PAM: variants seen among roughly 807,000 people sequenced by gnomAD.
PAM encodes peptidylglycine alpha-amidating monooxygenase.
In PAM, 72 loss-of-function variants were observed where a neutral mutation model predicts 122.1. The observed-to-expected ratio is 0.59, with a 90% CI of 0.49 to 0.72. The LOEUF is 0.72. Ranked by LOEUF, PAM falls within the 30% of genes least tolerant of loss-of-function variation. PAM has a pLI of 0.00. For missense variants in PAM, 1,106 were observed against 1,183.7 expected, an observed-to-expected ratio of 0.93 and a Z score of 0.96; for synonymous variants, 389 against 404.4, an observed-to-expected ratio of 0.96 and a Z score of 0.46.
intron 15 of PAM, among the ~76,000 whole-genome samples, chr5:102,981,785 A>C (rs1040643031): frequency 2.0e-5 from 3 of 152,194 alleles, no homozygotes; most frequent in Non-Finnish European, 4.4e-5. Flanking sequence ...AATTTTGACA[A>C]CTACATGAGA....
chr5:102,792,986 TAAAA>T (rs1420233080), intron 1 of PAM, among the ~76,000 whole-genome samples: 2 of 152,174 alleles, frequency 1.3e-5, no homozygotes, highest in South Asian at 4.1e-4. Flanking sequence ...TTCATTCCTC[TAAAA>T]AAATCTCCCC....
intron 1 of PAM, among the ~76,000 whole-genome samples, chr5:102,849,883 A>T (rs1438534269): frequency 6.6e-6 from 1 of 152,190 alleles, no homozygotes; most frequent in East Asian, 1.9e-4. Flanking sequence ...CAGGAGCAGG[A>T]TTTGGAGTAG....
intron 3 of PAM, among the ~76,000 whole-genome samples, chr5:102,876,211 A>G (rs1214423442): frequency 6.6e-6 from 1 of 152,052 alleles, no homozygotes; most frequent in Non-Finnish European, 1.5e-5. Context: ...CTGTCTTCCA[A>G]ATATCTTCCA....
At chr5:102,785,923 G>C (rs889164667) in intron 1 of PAM, among the ~76,000 whole-genome samples, 1 of 151,988 alleles carries the variant, frequency 6.6e-6, no homozygotes, top group Non-Finnish European at 1.5e-5. Context: ...TAACATGTTC[G>C]TTTTATTTCA....
At chr5:102,874,799 T>C (rs1359935315) in intron 3 of PAM, among the ~76,000 whole-genome samples, 1 of 152,146 alleles carries the variant, frequency 6.6e-6, no homozygotes, top group Non-Finnish European at 1.5e-5. Context: ...ATTCATTATG[T>C]AACACTACTA....
At chr5:102,964,184 C>T (rs541011510) in intron 14 of PAM, among the ~76,000 whole-genome samples, 19 of 151,984 alleles carry the variant, frequency 1.3e-4, no homozygotes, top group African/African-American at 4.3e-4. Context: ...ATTTAGTACT[C>T]TGTTTCTCCA....
intron 1 of PAM, among the ~76,000 whole-genome samples, chr5:102,840,186 A>T (rs948365074): frequency 6.6e-6 from 1 of 152,198 alleles, no homozygotes; most frequent in Non-Finnish European, 1.5e-5. Flanking sequence ...AGAAACACCT[A>T]TGCAAACTAA....
chr5:102,926,012 G>T (rs1014365674), intron 6 of PAM, among the ~76,000 whole-genome samples: 4 of 151,952 alleles, frequency 2.6e-5, no homozygotes, highest in African/African-American at 9.7e-5. Flanking sequence ...CTCCTAAGAG[G>T]TCTATTTCCT....
chr5:103,013,717 T>G (rs924659723), intron 21 of PAM, among the ~76,000 whole-genome samples: 3 of 152,186 alleles, frequency 2.0e-5, no homozygotes. Flanking sequence ...ATACTTACTC[T>G]GTATCAGGCA....
chr5:102,869,175 A>G (rs1012201176), intron 3 of PAM, among the ~76,000 whole-genome samples: 1 of 152,222 alleles, frequency 6.6e-6, no homozygotes, highest in Non-Finnish European at 1.5e-5. Context: ...ACCGTGATTG[A>G]TAATTGACTG....
At chr5:102,901,308 C>G in intron 3 of PAM, 48 bp from the exon 4 acceptor site, 1 of 1,080,748 alleles carries the variant, frequency 9.3e-7, no homozygotes. Context: ...TTATTTCTTC[C>G]TTACTAGCAA....
At chr5:102,757,913 A>ACGCC (rs1484620203) in intron 1 of PAM, among the ~76,000 whole-genome samples, 6 of 151,432 alleles carry the variant, frequency 4.0e-5, no homozygotes, top group African/African-American at 1.5e-4. Flanking sequence ...GTGGTGGTGC[A>ACGCC]CGCCGGTAGT....
At chr5:103,025,401 A>C (rs1784675992) in intron 24 of PAM, 67 bp downstream of exon 24, 2 of 1,301,312 alleles carry the variant, frequency 1.5e-6, no homozygotes, top group African/African-American at 2.9e-5. Flanking sequence ...AATTATCCTC[A>C]GGAGTTTGAT....
intron 23 of PAM, among the ~76,000 whole-genome samples, chr5:103,023,094 T>G (rs1784049482): frequency 6.6e-6 from 1 of 152,142 alleles, no homozygotes; most frequent in Non-Finnish European, 1.5e-5. Flanking sequence ...CAAGAATTTC[T>G]AAAGTGCTGT....
chr5:102,782,725 CTGTGTGTGTG>C (rs35149404), intron 1 of PAM, among the ~76,000 whole-genome samples: 19 of 140,188 alleles, frequency 1.4e-4, no homozygotes, highest in East Asian at 4.2e-4. Context: ...CTCTCTCTCT[CTGTGTGTGTG>C]TGTGTGTGTG....
In PAM at chr5:102,924,965, A is replaced by G; in HGVS notation, c.365A>G (p.Asp122Gly). 6.6e-7 allele frequency: 1 copy of G among 1,519,462 alleles called. No homozygotes were observed. Among genetic ancestry groups the G allele is most frequent in the Non-Finnish European group, 9.1e-7 (1 of 1,093,772 alleles). The allele number at this position is 1,519,462 out of a possible 1,614,324, so 94.1% of individuals were successfully genotyped here. The change falls in exon 6 of 26, where the codon GAT becomes GGT. Residue 122 changes from aspartate to glycine, a missense_variant. By Grantham distance (94) the Asp-to-Gly change is moderately conservative. Around this residue, in one of 3 missense-constraint regions of PAM, gnomAD observed 670 missense variants for 690.3 expected, o/e 0.97. Coordinates refer to ENST00000438793, the MANE Select transcript of PAM (RefSeq NM_001177306.2). The part of the protein sequence containing the change: ...PSSTGSYWFC[D>G]EGTCTDKANI... ...CTTTTTATTTTCTTCAGGTTTTGTG[A>G]TGAAGGAACCTGTACAGATAAAGCC...
chr5:102,959,019 G>C (rs1761690695), intron 12 of PAM, among the ~76,000 whole-genome samples: 3 of 152,056 alleles, frequency 2.0e-5, no homozygotes, highest in African/African-American at 7.2e-5. Context: ...TCCTAATAAT[G>C]CTAAAGAGAA....
intron 14 of PAM, among the ~76,000 whole-genome samples, chr5:102,968,006 A>AG (rs1338276474): frequency 5.3e-5 from 8 of 152,148 alleles, no homozygotes; most frequent in Non-Finnish European, 1.0e-4. Flanking sequence ...TACAGGCATG[A>AG]GCCACAGTGC....
intron 1 of PAM, among the ~76,000 whole-genome samples, chr5:102,791,073 C>CAGCTGCATCTAAGT (rs1761939444): frequency 6.6e-6 from 1 of 152,080 alleles, no homozygotes; most frequent in Admixed American, 6.6e-5. Context: ...TGTTCTTTTA[C>CAGCTGCATCTAAGT]AGCTGCATCT....
Sources: allele counts gnomAD v4.1 joint callset (sites outside exome capture counted in the v4.1 genomes callset), GRCh38; gene constraint gnomAD v4.1.1; regional missense constraint gnomAD v4.1.1; transcripts MANE v1.5; gene names NCBI Gene and HGNC (gene_info 2026-07-23, HGNC 2026-07-21).